Variants in TMEM14A observed in about 807,000 individuals in gnomAD.
The protein encoded by TMEM14A is transmembrane protein 14A.
TMEM14A carries 8 observed loss-of-function variants against 11.6 expected under a neutral mutation model. That is an observed-to-expected ratio of 0.69 (90% CI 0.40 to 1.24). The LOEUF (loss-of-function observed/expected upper bound fraction) is 1.24. Among genes scored for constraint, TMEM14A ranks in the 50% most tolerant of loss-of-function variants. TMEM14A has a pLI of 0.01. For missense variants in TMEM14A, 108 were observed against 121.9 expected, an observed-to-expected ratio of 0.89 and a Z score of 0.54; for synonymous variants, 34 against 45.5, an observed-to-expected ratio of 0.75 and a Z score of 1.02.
In TMEM14A at chr6:52,680,108, G is replaced by A. The variant is rs978085167; in HGVS notation, c.71-1705G>A. On this transcript the variant is annotated intron_variant, in intron 2 of 4. Coordinates refer to ENST00000211314, the MANE Select transcript of TMEM14A (RefSeq NM_014051.4). ...TCCTATGTACCTGGCCCTGTGTCTC[G>A]CCCTGGGGAAACAGCAATCGCTCAC... Among the ~76,000 whole-genome samples the A allele has an allele frequency of 1.1e-4, 16 of 151,784 alleles. No homozygotes were observed. The South Asian group carries it at 1.5e-3, about 14-fold the overall frequency.
chr6:52,671,966 G>C (rs976900952), intron 1 of TMEM14A, among the ~76,000 whole-genome samples: 1 of 152,206 alleles, frequency 6.6e-6, no homozygotes, highest in Non-Finnish European at 1.5e-5. Context: ...TCTTTTGTCT[G>C]AATATTCTCT....
Position 52,681,927 on chromosome 6 carries a change from T to A in TMEM14A, c.172+13T>A. 1 of 1,605,262 alleles carries A rather than the reference T, an allele frequency of 6.2e-7. No individual in the cohort carries two copies. Among genetic ancestry groups the A allele is most frequent in the Non-Finnish European group, 8.5e-7 (1 of 1,172,292 alleles). ...AAAGTGTCACTGTGTAAGTAAGGCA[T>A]TTTTCCTGGTTACAGAGACTCAAAC... On this transcript the variant is annotated intron_variant, in intron 3 of 4. Coordinates refer to ENST00000211314, the MANE Select transcript of TMEM14A (RefSeq NM_014051.4).
intron 2 of TMEM14A, among the ~76,000 whole-genome samples, chr6:52,680,597 A>ATATATATATATATATGTATATATATG (rs1769350106): frequency 1.0e-5 from 1 of 97,338 alleles, no homozygotes; most frequent in African/African-American, 3.6e-5. Context: ...ATATATTTAT[A>ATATATATATATATATGTATATATATG]TATATATATA....
At chr6:52,681,280 G>A (rs1769387307) in intron 2 of TMEM14A, among the ~76,000 whole-genome samples, 1 of 152,030 alleles carries the variant, frequency 6.6e-6, no homozygotes, top group Non-Finnish European at 1.5e-5. Context: ...GTCTTTCTTG[G>A]TAGGGCCTCT....
chr6:52,674,905 T>C (rs1292638265), intron 1 of TMEM14A, among the ~76,000 whole-genome samples: 1 of 151,334 alleles, frequency 6.6e-6, no homozygotes, highest in Non-Finnish European at 1.5e-5. Context: ...TTTTTTTTTT[T>C]TTTTTGAGAC....
intron 2 of TMEM14A, among the ~76,000 whole-genome samples, chr6:52,679,657 AG>A: frequency 6.6e-6 from 1 of 152,270 alleles, no homozygotes; most frequent in South Asian, 2.1e-4. Flanking sequence ...GCTTGTTCTC[AG>A]GATCTTTGCT....
At chr6:52,676,299 C>T (rs1769256826) in intron 1 of TMEM14A, among the ~76,000 whole-genome samples, 1 of 152,158 alleles carries the variant, frequency 6.6e-6, no homozygotes, top group South Asian at 2.1e-4. Context: ...GTCATCCAGG[C>T]TGGAGTGCAG....
chr6:52,680,669 G>GTATATATATATACATATATGTGTA (rs1554137462), intron 2 of TMEM14A, among the ~76,000 whole-genome samples: 6 of 35,958 alleles, frequency 1.7e-4, no homozygotes, highest in Non-Finnish European at 3.0e-4. Flanking sequence ...ATATATATGT[G>GTATATATATATACATATATGTGTA]TATATATATA....
Position 52,678,308 on chromosome 6 carries a change from AGAGTGTGTGTATGTGTGTGTTT to A in TMEM14A, c.70+1138_70+1159del, listed in dbSNP as rs1769297992. Among the ~76,000 whole-genome samples the A allele has an allele frequency of 4.3e-5, 6 of 140,004 alleles. 1 individual carries two copies. Among genetic ancestry groups the A allele is most frequent in the South Asian group, 5.4e-4 (2 of 3,738 alleles). The allele number at this position is 140,004 out of a possible 152,430, so 91.8% of individuals were successfully genotyped here. A position where few individuals can be genotyped will look rare whatever the true frequency, so the allele number is the denominator to read the frequency against. Reference sequence around the variant, plus strand: ...AAAGAAAGTGGGGAGAGAGATATAGAGAGTGTGTGTATGTGTGTGTTTGTGTGTGTGTGTGTGTGTGTGTGTG... The same window carrying A: ...AAAGAAAGTGGGGAGAGAGATATAGAGTGTGTGTGTGTGTGTGTGTGTGTG... On this transcript the variant is annotated intron_variant, in intron 2 of 4. Transcript: ENST00000211314.
At chr6:52,684,259 G>A in intron 4 of TMEM14A, 94 bp downstream of exon 4, 2 of 1,141,254 alleles carry the variant, frequency 1.8e-6, no homozygotes, top group Non-Finnish European at 2.5e-6. Context: ...AAAGATCAAA[G>A]TCCTTTTTGT....
chr6:52,685,769 TA>T, intron 4 of TMEM14A, among the ~76,000 whole-genome samples: 2 of 152,342 alleles, frequency 1.3e-5, no homozygotes. Flanking sequence ...CTTTCTCTTA[TA>T]AACCCTCATC....
At chr6:52,675,875 G>A (rs2670155) in intron 1 of TMEM14A, among the ~76,000 whole-genome samples, 6 of 152,040 alleles carry the variant, frequency 3.9e-5, no homozygotes, top group African/African-American at 1.5e-4. Flanking sequence ...GAGGAAGAAG[G>A]CATTTGCTCC....
intron 1 of TMEM14A, among the ~76,000 whole-genome samples, chr6:52,674,517 C>T (rs1027049172): frequency 6.6e-6 from 1 of 152,130 alleles, no homozygotes; most frequent in Non-Finnish European, 1.5e-5. Context: ...ACAGTACATA[C>T]CATAGGGTGT....
At chr6:52,680,577 C>CTATATATTTATATATTTATATATATATA (rs1257318074) in intron 2 of TMEM14A, among the ~76,000 whole-genome samples, 1 of 60,802 alleles carries the variant, frequency 1.6e-5, no homozygotes, top group Non-Finnish European at 4.2e-5. Context: ...TTCTAAGCCA[C>CTATATATTTATATATTTATATATATATA]TATATATTTA....
chr6:52,677,152 T>A lies in TMEM14A; in HGVS notation c.50T>A (p.Ile17Asn). Residue 17 changes from isoleucine to asparagine, a missense_variant, in exon 2 of 5, where the codon ATT becomes AAT. Ile to Asn is a moderately radical substitution (Grantham distance 149, BLOSUM62 -3). Coordinates refer to ENST00000211314, the MANE Select transcript of TMEM14A (RefSeq NM_014051.4). ...GYAALVTFGS[I>N]FGYKRRGGVP... Reference sequence around the variant, plus strand: ...GCAGCCCTCGTGACATTTGGAAGCATTTTTGGATATAAGCGGAGAGGTAAG... The same window carrying A: ...GCAGCCCTCGTGACATTTGGAAGCAATTTTGGATATAAGCGGAGAGGTAAG... 2.5e-6 allele frequency: 4 copies of A among 1,614,206 alleles called. No individual in the cohort carries two copies. The highest frequency in any genetic ancestry group is 3.4e-6 in the Non-Finnish European group (4 of 1,180,032).
At chr6:52,677,017 C>A in intron 1 of TMEM14A, 70 bp from the exon 2 acceptor site, 1 of 1,417,524 alleles carries the variant, frequency 7.1e-7, no homozygotes. Flanking sequence ...ATAAGCGTAT[C>A]ATTTTTAGAT....
At chr6:52,682,690 G>A (rs77954403) in intron 3 of TMEM14A, among the ~76,000 whole-genome samples, 7,727 of 151,458 alleles carry the variant, frequency 0.051, 247 homozygotes, top group Middle Eastern at 0.14. Context: ...AGTGATATTA[G>A]GATTTTTATT....
At chr6:52,672,636 G>C (rs529310836) in intron 1 of TMEM14A, among the ~76,000 whole-genome samples, 1 of 152,210 alleles carries the variant, frequency 6.6e-6, no homozygotes, top group Non-Finnish European at 1.5e-5. Flanking sequence ...AATGGTCTAA[G>C]CCAGATACCT....
chr6:52,671,396 G>T (rs1462319708), intron 1 of TMEM14A, among the ~76,000 whole-genome samples, 151 bp downstream of exon 1: 1 of 152,168 alleles, frequency 6.6e-6, no homozygotes, highest in Non-Finnish European at 1.5e-5. Context: ...AGGGGATTTT[G>T]CAGGGCATCG....
Sources: gnomAD v4.1 joint callset for allele counts (sites outside exome capture counted in the v4.1 genomes callset) on GRCh38, gnomAD v4.1.1 for gene constraint, MANE v1.5 for transcripts, NCBI Gene and HGNC (gene_info 2026-07-23, HGNC 2026-07-21) for gene names.